Variants in PRKN observed in about 807,000 individuals in gnomAD.
PRKN encodes E3 ubiquitin-protein ligase parkin.
In PRKN, 56 loss-of-function variants were observed where a neutral mutation model predicts 59.5. That is an observed-to-expected ratio of 0.94 (90% CI 0.76 to 1.18). The LOEUF (loss-of-function observed/expected upper bound fraction) is 1.18, where lower values mean the gene tolerates loss of function less well. Among genes scored for constraint, PRKN ranks in the 50% most tolerant of loss-of-function variants. The pLI, the probability that PRKN is intolerant of heterozygous loss-of-function variation, is 0.00. For missense variants in PRKN, 657 were observed against 596.4 expected (o/e 1.10, Z -1.06); for synonymous variants, 250 against 222.1 (o/e 1.13, Z -1.12).
rs907865493 is a variant in PRKN, at chr6:161,886,726, C to T, written c.734+86576G>A. 2.5e-5 allele frequency among the ~76,000 whole-genome samples: 3 copies of T among 118,502 alleles called. No individual in the cohort carries two copies. The East Asian group carries it at 7.9e-4, about 31-fold the overall frequency. 77.7% of individuals were successfully genotyped at this position (118,502 alleles called of 152,430 possible). On this transcript the variant is annotated intron_variant, in intron 6 of 11. Transcript: ENST00000366898. ...AATAAAATAAAATAACATAAAATAA[C>T]ATAAAATAAAATAAAATAATAAAAT... is the stretch of plus-strand genomic sequence containing the variant.
At chr6:161,745,634 C>T (rs890633590) in intron 7 of PRKN, among the ~76,000 whole-genome samples, 3 of 152,052 alleles carry the variant, frequency 2.0e-5, no homozygotes, top group African/African-American at 7.2e-5. Context: ...CAATTAACAC[C>T]CTATTTAAAG....
intron 4 of PRKN, among the ~76,000 whole-genome samples, chr6:162,062,940 A>C (rs1192945059): frequency 6.6e-6 from 1 of 152,204 alleles, no homozygotes; most frequent in Admixed American, 6.5e-5. Context: ...TGAGCAATTG[A>C]CAAGGAAACT....
At chr6:162,635,951 G>T (rs1242330458) in intron 1 of PRKN, among the ~76,000 whole-genome samples, 1 of 152,122 alleles carries the variant, frequency 6.6e-6, no homozygotes, top group East Asian at 1.9e-4. Flanking sequence ...ATGGCATGAG[G>T]CACGTTTGGA....
intron 6 of PRKN, among the ~76,000 whole-genome samples, chr6:161,789,720 G>A (rs1431112852): frequency 1.3e-5 from 2 of 152,254 alleles, no homozygotes; most frequent in Admixed American, 1.3e-4. Context: ...AACATTAAAT[G>A]AAAAGTCATG....
chr6:162,673,250 G>C (rs1779403305), intron 1 of PRKN, among the ~76,000 whole-genome samples: 1 of 152,074 alleles, frequency 6.6e-6, no homozygotes, highest in Non-Finnish European at 1.5e-5. Flanking sequence ...GTGTGTAGCT[G>C]GTGCCCAGAA....
At chr6:162,368,278 A>G (rs1456630914) in intron 2 of PRKN, among the ~76,000 whole-genome samples, 1 of 152,078 alleles carries the variant, frequency 6.6e-6, no homozygotes, top group Non-Finnish European at 1.5e-5. Flanking sequence ...CGGGCTTCTT[A>G]TGACTCTAAA....
intron 2 of PRKN, among the ~76,000 whole-genome samples, chr6:162,281,274 G>A (rs1173996074): frequency 6.6e-6 from 1 of 152,036 alleles, no homozygotes; most frequent in Non-Finnish European, 1.5e-5. Flanking sequence ...CAGGGGGTGG[G>A]GGGCTAGGGA....
chr6:162,398,183 T>C (rs1278701410), intron 2 of PRKN, among the ~76,000 whole-genome samples: 1 of 152,162 alleles, frequency 6.6e-6, no homozygotes, highest in East Asian at 1.9e-4. Context: ...CCCAGAGTGC[T>C]ATGTAATACA....
At chr6:162,404,504 T>C (rs562730007) in intron 2 of PRKN, among the ~76,000 whole-genome samples, 1 of 152,270 alleles carries the variant, frequency 6.6e-6, no homozygotes. Context: ...TCCTTTAGGA[T>C]TCCAAATAGT....
chr6:162,680,342 G>A (rs1779724046), intron 1 of PRKN, among the ~76,000 whole-genome samples: 1 of 150,664 alleles, frequency 6.6e-6, no homozygotes, highest in Non-Finnish European at 1.5e-5. Context: ...TGTACTGTAT[G>A]TGTGTGTATA....
chr6:161,665,997 G>T (rs1232223248), intron 7 of PRKN, among the ~76,000 whole-genome samples: 1 of 152,192 alleles, frequency 6.6e-6, no homozygotes, highest in African/African-American at 2.4e-5. Context: ...GGGGCAGCGT[G>T]TGGAGCTGAG....
At chr6:162,144,795 A>G (rs1781949648) in intron 4 of PRKN, among the ~76,000 whole-genome samples, 1 of 152,198 alleles carries the variant, frequency 6.6e-6, no homozygotes, top group Non-Finnish European at 1.5e-5. Context: ...GCTTCGGCAC[A>G]GTGGAAAGTC....
chr6:161,652,850 A>G (rs6911845), intron 7 of PRKN, among the ~76,000 whole-genome samples: 76,112 of 152,118 alleles, frequency 0.5, 21,965 homozygotes, highest in African/African-American at 0.81. Context: ...AAAGAGCCCC[A>G]GGTGATGTAA....
chr6:162,724,781 T>C (rs1220075535), intron 1 of PRKN, among the ~76,000 whole-genome samples: 2 of 152,208 alleles, frequency 1.3e-5, no homozygotes, highest in Non-Finnish European at 2.9e-5. Context: ...AATGAGTTTA[T>C]AGACTCTTGT....
intron 6 of PRKN, among the ~76,000 whole-genome samples, chr6:161,850,891 G>A (rs1793405653): frequency 6.6e-6 from 1 of 152,170 alleles, no homozygotes; most frequent in Non-Finnish European, 1.5e-5. Flanking sequence ...ATAACCACTT[G>A]CCTATCCCAG....
chr6:162,289,938 C>T (rs1781351339), intron 2 of PRKN, among the ~76,000 whole-genome samples: 1 of 152,112 alleles, frequency 6.6e-6, no homozygotes, highest in Non-Finnish European at 1.5e-5. Flanking sequence ...ACAGAATGAC[C>T]TACCTGGAAG....
chr6:162,459,063 A>C (rs992391169), intron 1 of PRKN, among the ~76,000 whole-genome samples: 1 of 151,962 alleles, frequency 6.6e-6, no homozygotes, highest in Admixed American at 6.6e-5. Context: ...CAGGTGATCC[A>C]CCCTCCTTGG....
chr6:161,519,047 G>A (rs1213855247), intron 9 of PRKN, among the ~76,000 whole-genome samples: 1 of 152,196 alleles, frequency 6.6e-6, no homozygotes, highest in Admixed American at 6.5e-5. Flanking sequence ...CAATGTACTT[G>A]TAACACCCAG....
At chr6:161,838,077 C>T (rs1426235352) in intron 6 of PRKN, among the ~76,000 whole-genome samples, 4 of 152,132 alleles carry the variant, frequency 2.6e-5, no homozygotes, top group Non-Finnish European at 5.9e-5. Flanking sequence ...TTAATCATTC[C>T]CTTCAGCAAT....
Sources: allele counts gnomAD v4.1 joint callset (sites outside exome capture counted in the v4.1 genomes callset), GRCh38; gene constraint gnomAD v4.1.1; transcripts MANE v1.5; gene names NCBI Gene and HGNC (gene_info 2026-07-23, HGNC 2026-07-21).